The following PRKAG2 variants were observed in gnomAD, a reference collection of about 807,000 sequenced individuals.
PRKAG2 encodes the protein protein kinase AMP-activated non-catalytic subunit gamma 2.
In PRKAG2, 26 loss-of-function variants were observed where a neutral mutation model predicts 69.6. The ratio of observed to expected loss-of-function variants is 0.37; its 90% CI spans 0.27 to 0.52. The LOEUF is 0.52. PRKAG2 is among the 20% of genes least tolerant of loss of function. The probability of loss-of-function intolerance (pLI) is 0.90; values close to 1 mark genes in which losing one functional copy is unlikely to be tolerated. For missense variants in PRKAG2, 557 were observed against 740.0 expected (o/e 0.75, Z 2.87); for synonymous variants, 293 against 285.0 (o/e 1.03, Z -0.28).
rs1009259109 is a variant in PRKAG2 at position 151,632,640 on chromosome 7, G to T, written c.685-502C>A. On this transcript the variant is annotated intron_variant, in intron 4 of 15. Coordinates refer to ENST00000287878, the MANE Select transcript of PRKAG2 (RefSeq NM_016203.4). This position sits in a 1 kb window ranked among gnomAD's most constrained non-coding sequence, Gnocchi z 4.2. ...GGTGTGGGCTCCGCGGCGCGGGGAG[G>T]GGGAGAGGGGCTGGAGGCTGCAGAA... is the stretch of plus-strand genomic sequence containing the variant. 27 of 982,962 alleles carry T rather than the reference G, an allele frequency of 2.7e-5. No individual in the cohort carries two copies. Among genetic ancestry groups the T allele is most frequent in the Non-Finnish European group, 2.4e-5 (20 of 827,986 alleles). 60.9% of individuals were successfully genotyped at this position (982,962 alleles called of 1,614,324 possible).
intron 3 of PRKAG2, among the ~76,000 whole-genome samples, chr7:151,731,275 G>A (rs1250795027): frequency 6.6e-6 from 1 of 152,236 alleles, no homozygotes; most frequent in East Asian, 1.9e-4. Flanking sequence ...CCTGAAAGCT[G>A]GAGAGGTGGG....
At chr7:151,875,651 G>A (rs1417584258) in intron 1 of PRKAG2, among the ~76,000 whole-genome samples, 3 of 151,534 alleles carry the variant, frequency 2.0e-5, no homozygotes, top group Non-Finnish European at 4.4e-5. Context: ...GGCGGAGGGT[G>A]TGACCCAGTG....
chr7:151,769,911 C>T (rs192579391), intron 3 of PRKAG2, among the ~76,000 whole-genome samples: 183 of 152,300 alleles, frequency 1.2e-3, no homozygotes, highest in African/African-American at 4.3e-3. Context: ...AATTCAGTAC[C>T]TTTTGAGAAA....
intron 4 of PRKAG2, among the ~76,000 whole-genome samples, chr7:151,656,068 T>A (rs1375983417): frequency 1.3e-5 from 2 of 152,238 alleles, no homozygotes; most frequent in Non-Finnish European, 2.9e-5. Flanking sequence ...CTAATTTTTT[T>A]AAACCTGAAA....
Position 151,632,234 on chromosome 7 carries a change from G to A in PRKAG2, c.685-96C>T. The A allele has an allele frequency of 9.2e-7, 1 of 1,090,550 alleles. No individual in the cohort carries two copies. The allele number at this position is 1,090,550 out of a possible 1,614,324, so 67.6% of individuals were successfully genotyped here. Reference sequence around the variant, plus strand: ...CGGCCGAGCGCTGGGGCCTGGCTCTGCCGCGCCGCCGGGAGGAGGGGCCTG... The same window carrying A: ...CGGCCGAGCGCTGGGGCCTGGCTCTACCGCGCCGCCGGGAGGAGGGGCCTG... On this transcript the variant is annotated intron_variant, in intron 4 of 15. Coordinates refer to ENST00000287878, the MANE Select transcript of PRKAG2 (RefSeq NM_016203.4). The surrounding 1 kb of genome is among the most constrained non-coding windows in gnomAD (Gnocchi z 4.2).
At chr7:151,747,538 TAG>T (rs964493181) in intron 3 of PRKAG2, among the ~76,000 whole-genome samples, 14 of 150,144 alleles carry the variant, frequency 9.3e-5, no homozygotes, top group African/African-American at 2.5e-4. Context: ...GCCTGGGTGA[TAG>T]AGAGAGACTC....
At chr7:151,558,326 C>T (rs1451278840) in intron 15 of PRKAG2, 1 of 985,358 alleles carries the variant, frequency 1.0e-6, no homozygotes, top group Non-Finnish European at 1.2e-6. Flanking sequence ...CTCTTACTGA[C>T]TATTCCATGG....
intron 1 of PRKAG2, among the ~76,000 whole-genome samples, chr7:151,799,857 G>A (rs767171608): frequency 2.6e-5 from 4 of 152,136 alleles, no homozygotes; most frequent in Non-Finnish European, 5.9e-5. Flanking sequence ...GAGGTATGCC[G>A]CCCCCTCCAG....
chr7:151,863,513 T>A lies in PRKAG2; in HGVS notation c.114+12994A>T, dbSNP rs570905682. Among the ~76,000 whole-genome samples, 13 of 152,242 alleles carry A rather than the reference T, an allele frequency of 8.5e-5. No homozygotes were observed. In the East Asian group the frequency reaches 1.9e-3, roughly 23 times the overall value. On this transcript the variant is annotated intron_variant, in intron 1 of 15. Coordinates refer to ENST00000287878, the MANE Select transcript of PRKAG2 (RefSeq NM_016203.4). Reference sequence around the variant, plus strand: ...GCTCAGTCCAGCTTGCTTCCCTCTTTCACCACTGAGTGGCCAAAGCTAGAG... The same window carrying A: ...GCTCAGTCCAGCTTGCTTCCCTCTTACACCACTGAGTGGCCAAAGCTAGAG...
intron 3 of PRKAG2, among the ~76,000 whole-genome samples, chr7:151,739,873 C>T (rs1266776430): frequency 6.6e-6 from 1 of 152,198 alleles, no homozygotes; most frequent in African/African-American, 2.4e-5. Flanking sequence ...CCCTTACGGC[C>T]CAATCCAGAG....
chr7:151,629,629 G>A (rs187541374), intron 5 of PRKAG2, among the ~76,000 whole-genome samples: 122 of 152,262 alleles, frequency 8.0e-4, no homozygotes, highest in Non-Finnish European at 1.4e-3. Flanking sequence ...AACCTCACCA[G>A]TGCTTCCAAG....
In PRKAG2 at chr7:151,781,352, A is replaced by G; in HGVS notation, c.266T>C (p.Met89Thr). The change falls in exon 3 of 16, where the codon ATG becomes ACG. Residue 89 changes from methionine (M) to threonine (T), a missense_variant. Transcript: ENST00000287878. The surrounding 1 kb of genome is among the most constrained non-coding windows in gnomAD (Gnocchi z 6.1). ...RGPQPRPSSP[M>T]SAPVRPKTSP... ...GGTCTTGGGCCTCACAGGTGCAGAC[A>G]TGGGGCTGGAGGGCCGGGGCTGGGG... 2 of 1,613,702 alleles carry G rather than the reference A, an allele frequency of 1.2e-6. No individual in the cohort carries two copies. Among genetic ancestry groups the G allele is most frequent in the South Asian group, 1.1e-5 (1 of 91,068 alleles).
In PRKAG2 at chr7:151,825,942, T is replaced by C. The variant is rs1586674725; in HGVS notation, c.115-39401A>G. On this transcript the variant is annotated intron_variant, in intron 1 of 15. Coordinates refer to ENST00000287878, the MANE Select transcript of PRKAG2 (RefSeq NM_016203.4). ...GCCGCCAGTAGGTCCTTGGCCAGCA[T>C]CCAGGGTGACCAATTAGTCTCGGTT... Among the ~76,000 whole-genome samples the C allele has an allele frequency of 2.6e-5, 4 of 152,270 alleles. No individual in the cohort carries two copies. In the South Asian group the frequency reaches 8.3e-4, roughly 32 times the overall value.
At position 151,642,110 on chromosome 7, in the gene PRKAG2, T is replaced by C. The variant is rs564103272; in HGVS notation, c.685-9972A>G. On this transcript the variant is annotated intron_variant, in intron 4 of 15. Coordinates refer to ENST00000287878, the MANE Select transcript of PRKAG2 (RefSeq NM_016203.4). ...CAGCACTTTGGGAGGCCGAGGCGGG[T>C]GGATCACGAGGTCAGGAGATCGAGA... 9.9e-4 allele frequency among the ~76,000 whole-genome samples: 126 copies of C among 127,274 alleles called. 1 individual carries two copies. The highest frequency in any genetic ancestry group is 4.3e-3 in the Admixed American group (52 of 12,202). 83.5% of individuals were successfully genotyped at this position (127,274 alleles called of 152,430 possible). A position where few individuals can be genotyped will look rare whatever the true frequency, so the allele number is the denominator to read the frequency against.
At chr7:151,562,293 C>T (rs1317704884) in intron 14 of PRKAG2, among the ~76,000 whole-genome samples, 5 of 145,948 alleles carry the variant, frequency 3.4e-5, no homozygotes, top group South Asian at 2.3e-4. Context: ...ACCTGGGCCA[C>T]GGCAGCTCTG....
intron 1 of PRKAG2, among the ~76,000 whole-genome samples, chr7:151,786,903 G>A (rs371892614): frequency 4.6e-5 from 7 of 152,226 alleles, no homozygotes; most frequent in East Asian, 3.8e-4. Flanking sequence ...CCCACAGCAC[G>A]GAACATGGGT....
intron 1 of PRKAG2, among the ~76,000 whole-genome samples, chr7:151,873,804 T>G (rs2080276090): frequency 6.6e-6 from 1 of 152,136 alleles, no homozygotes; most frequent in African/African-American, 2.4e-5. Context: ...ACACTATCGC[T>G]GGCACCACCC....
chr7:151,600,342 A>G (rs1475227758), intron 5 of PRKAG2, among the ~76,000 whole-genome samples: 1 of 152,218 alleles, frequency 6.6e-6, no homozygotes, highest in African/African-American at 2.4e-5. Context: ...CTAATTAGCA[A>G]AACAAGTGTT....
chr7:151,743,076 T>C (rs10278273), intron 3 of PRKAG2, among the ~76,000 whole-genome samples: 17,693 of 152,034 alleles, frequency 0.12, 1,108 homozygotes, highest in Middle Eastern at 0.14. Flanking sequence ...CCCACATGAA[T>C]AGAGGGGAAA....
Sources: allele counts gnomAD v4.1 joint callset (sites outside exome capture counted in the v4.1 genomes callset), GRCh38; gene constraint gnomAD v4.1.1; non-coding constraint Gnocchi (gnomAD v3.1); transcripts MANE v1.5; gene names NCBI Gene and HGNC (gene_info 2026-07-23, HGNC 2026-07-21).